B3GALT6: variants seen among roughly 807,000 people sequenced by gnomAD.
B3GALT6 encodes the protein beta-1,3-galactosyltransferase 6, also known as GAG GalTII.
In B3GALT6, 27 loss-of-function variants were observed where a neutral mutation model predicts 23.3. The ratio of observed to expected loss-of-function variants is 1.16; its 90% CI spans 0.85 to 1.60. The LOEUF is 1.60. Among genes scored for constraint, B3GALT6 ranks in the 40% most tolerant of loss-of-function variants. The pLI is 0.00. For missense variants in B3GALT6, 554 were observed against 471.1 expected (o/e 1.18, Z -1.63); for synonymous variants, 313 against 232.3 (o/e 1.35, Z -3.16).
chr1:1,233,564 C>G lies in B3GALT6; in HGVS notation c.*296C>G. ...GGCTGGGCTCCGATCTTCCGTGTCT[C>G]TTATCAGTGGCGTTTCTCACGTCTG... On this transcript the variant is annotated 3_prime_UTR_variant, in exon 1 of 1. Transcript: ENST00000379198. 2.9e-6 allele frequency: 1 copy of G among 346,132 alleles called. No homozygotes were observed. The highest frequency in any genetic ancestry group is 5.5e-6 in the Non-Finnish European group (1 of 182,726). 21.4% of individuals were successfully genotyped at this position (346,132 alleles called of 1,614,324 possible).
In B3GALT6 at chr1:1,233,973, C is replaced by T. The variant is rs1014300286; in HGVS notation, c.*705C>T. ...AGGGCCGGTGCTGCTTTATTTCAGA[C>T]TCTGCCCCAGGTTCCAGGAATCCGA... On this transcript the variant is annotated 3_prime_UTR_variant, in exon 1 of 1. Coordinates refer to ENST00000379198, the MANE Select transcript of B3GALT6 (RefSeq NM_080605.4). The T allele has an allele frequency of 3.4e-4, 56 of 166,852 alleles. No individual in the cohort carries two copies. Among genetic ancestry groups the T allele is most frequent in the Non-Finnish European group, 2.9e-4 (20 of 68,106 alleles). 10.3% of individuals were successfully genotyped at this position (166,852 alleles called of 1,614,324 possible). A position where few individuals can be genotyped will look rare whatever the true frequency, so the allele number is the denominator to read the frequency against.
In B3GALT6 at chr1:1,233,300, C is replaced by T. The variant is rs1478298909; in HGVS notation, c.*32C>T. The T allele has an allele frequency of 2.1e-6, 3 of 1,407,988 alleles. No individual in the cohort carries two copies. The highest frequency in any genetic ancestry group is 3.0e-5 in the African/African-American group (2 of 66,048). 87.2% of individuals were successfully genotyped at this position (1,407,988 alleles called of 1,614,324 possible). ...GCGGCCCGGCCCTCCGGGACACCTG[C>T]TTCACCCGGCGGCGCCTTGGGGCAG... On this transcript the variant is annotated 3_prime_UTR_variant, in exon 1 of 1. Transcript: ENST00000379198.
chr1:1,235,038 C>T lies in B3GALT6; in HGVS notation c.*1770C>T, dbSNP rs916504056. The T allele has an allele frequency of 1.2e-5, 2 of 166,428 alleles. No homozygotes were observed. Among genetic ancestry groups the T allele is most frequent in the Non-Finnish European group, 1.5e-5 (1 of 68,122 alleles). 10.3% of individuals were successfully genotyped at this position (166,428 alleles called of 1,614,324 possible). ...TAAGACATTAAATTTCATATCAGAA[C>T]AAAGCCTGCCCCAGGCTGACCCTCC... On this transcript the variant is annotated 3_prime_UTR_variant, in exon 1 of 1. Transcript: ENST00000379198.
chr1:1,232,411 C>T lies in B3GALT6; in HGVS notation c.133C>T (p.Arg45Cys), dbSNP rs1638535305. The stretch of plus-strand genomic sequence containing the variant: ...CGGGGACCCCAGGGCGATGTCGGGC[C>T]GCAGCCCGCCTCCCCCCGCGCCCGC... ...EPGDPRAMSGRSPPPPAPARA... is the reference protein window; with the variant it reads ...EPGDPRAMSGCSPPPPAPARA... The change falls in exon 1 of 1, where the codon CGC becomes TGC. Residue 45 changes from arginine to cysteine, a missense_variant. Transcript: ENST00000379198. 12 of 989,854 alleles carry T rather than the reference C, an allele frequency of 1.2e-5. No individual in the cohort carries two copies. Among genetic ancestry groups the T allele is most frequent in the South Asian group, 4.5e-5 (1 of 22,188 alleles). The allele number at this position is 989,854 out of a possible 1,614,324, so 61.3% of individuals were successfully genotyped here. A position where few individuals can be genotyped will look rare whatever the true frequency, so the allele number is the denominator to read the frequency against.
In B3GALT6 at chr1:1,232,257, C is replaced by T. The variant is rs1638527131; in HGVS notation, c.-22C>T. 1.8e-5 allele frequency: 18 copies of T among 980,730 alleles called. No homozygotes were observed. The highest frequency in any genetic ancestry group is 1.9e-5 in the Non-Finnish European group (16 of 828,228). The allele number at this position is 980,730 out of a possible 1,614,324, so 60.8% of individuals were successfully genotyped here. ...TGCGCACTCGCGAGTCCGGCCTGGG[C>T]CGCCGGCCCGGCGCGGGCGCCATGA... On this transcript the variant is annotated 5_prime_UTR_variant, in exon 1 of 1. Transcript: ENST00000379198.
chr1:1,233,491 G>T lies in B3GALT6; in HGVS notation c.*223G>T. 1 of 521,994 alleles carries T rather than the reference G, an allele frequency of 1.9e-6. No individual in the cohort carries two copies. Among genetic ancestry groups the T allele is most frequent in the Non-Finnish European group, 3.1e-6 (1 of 318,614 alleles). 32.3% of individuals were successfully genotyped at this position (521,994 alleles called of 1,614,324 possible). ...TCCTGGACCTCAGCGAGCCTGAGCCGGGCCCGGCCGCACGCTGACCCCCGT... is the reference window on the plus strand; with the variant it reads ...TCCTGGACCTCAGCGAGCCTGAGCCTGGCCCGGCCGCACGCTGACCCCCGT... On this transcript the variant is annotated 3_prime_UTR_variant, in exon 1 of 1. Coordinates refer to ENST00000379198, the MANE Select transcript of B3GALT6 (RefSeq NM_080605.4).
Position 1,232,803 on chromosome 1 carries a change from C to T in B3GALT6, c.525C>T (p.Pro175=), listed in dbSNP as rs779808332. 1 of 1,337,278 alleles carries T rather than the reference C, an allele frequency of 7.5e-7. No individual in the cohort carries two copies. The highest frequency in any genetic ancestry group is 9.5e-7 in the Non-Finnish European group (1 of 1,049,468). The allele number at this position is 1,337,278 out of a possible 1,614,324, so 82.8% of individuals were successfully genotyped here. ...ALLAELRARE[P]ARRRRLYWGF... is the part of the protein sequence containing the mutation. ...TGGCCGAGCTGCGCGCCCGCGAGCC[C>T]GCGCGCCGCCGCCGCCTCTACTGGG... The change falls in exon 1 of 1, where the codon CCC becomes CCT. Residue 175 remains proline (P), a synonymous_variant. Coordinates refer to ENST00000379198, the MANE Select transcript of B3GALT6 (RefSeq NM_080605.4).
In B3GALT6 at chr1:1,232,963, C is replaced by G; in HGVS notation, c.685C>G (p.Arg229Gly). 6.4e-7 allele frequency: 1 copy of G among 1,562,554 alleles called. No individual in the cohort carries two copies. The highest frequency in any genetic ancestry group is 8.6e-7 in the Non-Finnish European group (1 of 1,162,124). Reference sequence around the variant, plus strand: ...CTCGGCCGACCTGGTGCACTACCTGCGCCTCAGCCGCGACTACCTGCGCGC... The same window carrying G: ...CTCGGCCGACCTGGTGCACTACCTGGGCCTCAGCCGCGACTACCTGCGCGC... ...VLSADLVHYL[R>G]LSRDYLRAWH... Residue 229 changes from arginine to glycine, a missense_variant, in exon 1 of 1, where the codon CGC becomes GGC. Arg to Gly is a moderately radical substitution (Grantham distance 125, BLOSUM62 -2). Transcript: ENST00000379198.
In B3GALT6 at chr1:1,232,484, C is replaced by T. The variant is rs1638539022; in HGVS notation, c.206C>T (p.Ala69Val). 3.9e-6 allele frequency: 4 copies of T among 1,034,848 alleles called. No individual in the cohort carries two copies. Among genetic ancestry groups the T allele is most frequent in the Non-Finnish European group, 4.6e-6 (4 of 864,502 alleles). 64.1% of individuals were successfully genotyped at this position (1,034,848 alleles called of 1,614,324 possible). A position where few individuals can be genotyped will look rare whatever the true frequency, so the allele number is the denominator to read the frequency against. The change falls in exon 1 of 1, where the codon GCC (alanine) becomes GTC (valine). Residue 69 changes from alanine (A) to valine (V), a missense_variant. Physicochemically the swap from Ala to Val is moderately conservative, Grantham distance 64. Coordinates refer to ENST00000379198, the MANE Select transcript of B3GALT6 (RefSeq NM_080605.4). ...LAVLVASAPR[A>V]AERRSVIRST... ...GTGCTGGTGGCCAGCGCGCCCCGCG[C>T]CGCCGAGCGCCGCAGCGTGATCCGC... is the stretch of plus-strand genomic sequence containing the variant.
rs767598361 is a variant in B3GALT6 at position 1,232,632 on chromosome 1, C to G, written c.354C>G (p.Asp118Glu). 2 of 1,271,522 alleles carry G rather than the reference C, an allele frequency of 1.6e-6. No homozygotes were observed. Among genetic ancestry groups the G allele is most frequent in the African/African-American group, 3.1e-5 (2 of 64,942 alleles). The allele number at this position is 1,271,522 out of a possible 1,614,324, so 78.8% of individuals were successfully genotyped here. The change falls in exon 1 of 1, where the codon GAC (aspartate) becomes GAG (glutamate). Residue 118 changes from aspartate to glutamate, a missense_variant. Asp to Glu is a conservative substitution (Grantham distance 45). Coordinates refer to ENST00000379198, the MANE Select transcript of B3GALT6 (RefSeq NM_080605.4). ...AGCGGGAGCAGGCGCGGCACGGGGA[C>G]CTGCTGCTGCTGCCCGCGCTGCGCG... Reference protein sequence around the residue: ...ALEREQARHGDLLLLPALRDA... With the variant: ...ALEREQARHGELLLLPALRDA...
In B3GALT6 at chr1:1,232,960, C is replaced by T. The variant is rs775975088; in HGVS notation, c.682C>T (p.Leu228=). Residue 228 remains leucine, a synonymous_variant, in exon 1 of 1, where the codon CTG becomes TTG. Coordinates refer to ENST00000379198, the MANE Select transcript of B3GALT6 (RefSeq NM_080605.4). The stretch of plus-strand genomic sequence containing the variant: ...GCTCTCGGCCGACCTGGTGCACTAC[C>T]TGCGCCTCAGCCGCGACTACCTGCG... ...YVLSADLVHY[L]RLSRDYLRAW... 6.4e-6 allele frequency: 10 copies of T among 1,564,518 alleles called. No homozygotes were observed. Among genetic ancestry groups the T allele is most frequent in the African/African-American group, 4.1e-5 (3 of 73,882 alleles).
Position 1,234,206 on chromosome 1 carries a change from T to A in B3GALT6, c.*938T>A, listed in dbSNP as rs973000495. 6.0e-6 allele frequency: 1 copy of A among 166,868 alleles called. No individual in the cohort carries two copies. The highest frequency in any genetic ancestry group is 2.4e-5 in the African/African-American group (1 of 41,454). The allele number at this position is 166,868 out of a possible 1,614,324, so 10.3% of individuals were successfully genotyped here. ...GCTCCCTGGAGTCCGACGCGGGTTT[T>A]CTCTCTGGGGGACCTGGGTGGTCCC... On this transcript the variant is annotated 3_prime_UTR_variant, in exon 1 of 1. Transcript: ENST00000379198.
In B3GALT6 at chr1:1,233,949, G is replaced by A. The variant is rs1285708000; in HGVS notation, c.*681G>A. ...GCTTCCCATGGGTCCGCGCCACACAGGGCCGGTGCTGCTTTATTTCAGACT... is the reference window on the plus strand; with the variant it reads ...GCTTCCCATGGGTCCGCGCCACACAAGGCCGGTGCTGCTTTATTTCAGACT... On this transcript the variant is annotated 3_prime_UTR_variant, in exon 1 of 1. Coordinates refer to ENST00000379198, the MANE Select transcript of B3GALT6 (RefSeq NM_080605.4). 3 of 166,782 alleles carry A rather than the reference G, an allele frequency of 1.8e-5. No homozygotes were observed. Among genetic ancestry groups the A allele is most frequent in the Non-Finnish European group, 4.4e-5 (3 of 68,116 alleles). The allele number at this position is 166,782 out of a possible 1,614,324, so 10.3% of individuals were successfully genotyped here. A position where few individuals can be genotyped will look rare whatever the true frequency, so the allele number is the denominator to read the frequency against.
rs1250087457 is a variant in B3GALT6, at chr1:1,232,251, C to T, written c.-28C>T. 1.0e-6 allele frequency: 1 copy of T among 980,740 alleles called. No individual in the cohort carries two copies. Among genetic ancestry groups the T allele is most frequent in the East Asian group, 1.1e-4 (1 of 8,720 alleles). The allele number at this position is 980,740 out of a possible 1,614,324, so 60.8% of individuals were successfully genotyped here. A position where few individuals can be genotyped will look rare whatever the true frequency, so the allele number is the denominator to read the frequency against. ...GGCGCCTGCGCACTCGCGAGTCCGG[C>T]CTGGGCCGCCGGCCCGGCGCGGGCG... is the stretch of plus-strand genomic sequence containing the variant. On this transcript the variant is annotated 5_prime_UTR_variant, in exon 1 of 1. Coordinates refer to ENST00000379198, the MANE Select transcript of B3GALT6 (RefSeq NM_080605.4).
rs1002911404 is a variant in B3GALT6 at position 1,232,437 on chromosome 1, G to T, written c.159G>T (p.Ala53=). The change falls in exon 1 of 1, where the codon GCG becomes GCT. Residue 53 remains alanine, a synonymous_variant. Transcript: ENST00000379198. ...SGRSPPPPAP[A]RAAAFLAVLV... ...GCAGCCCGCCTCCCCCCGCGCCCGC[G>T]CGCGCCGCCGCCTTCCTGGCAGTGC... is the stretch of plus-strand genomic sequence containing the variant. 1 of 994,782 alleles carries T rather than the reference G, an allele frequency of 1.0e-6. No homozygotes were observed. Among genetic ancestry groups the T allele is most frequent in the East Asian group, 1.1e-4 (1 of 9,208 alleles). The allele number at this position is 994,782 out of a possible 1,614,324, so 61.6% of individuals were successfully genotyped here. A position where few individuals can be genotyped will look rare whatever the true frequency, so the allele number is the denominator to read the frequency against.
chr1:1,232,932 C>G lies in B3GALT6; in HGVS notation c.654C>G (p.Tyr218Ter). The G allele has an allele frequency of 1.3e-6, 2 of 1,564,666 alleles. No homozygotes were observed. The highest frequency in any genetic ancestry group is 1.4e-5 in the African/African-American group (1 of 73,520). ...YYLPYALGGG[Y>*]VLSADLVHYL... ...TGCCCTACGCGCTGGGCGGCGGCTA[C>G]GTGCTCTCGGCCGACCTGGTGCACT... The change falls in exon 1 of 1, where the codon TAC (tyrosine) becomes TAG (stop). Residue 218 changes from tyrosine (Y) to a stop codon, truncating the protein, a stop_gained. Coordinates refer to ENST00000379198, the MANE Select transcript of B3GALT6 (RefSeq NM_080605.4). LOFTEE classifies it high-confidence loss of function.
chr1:1,233,232 C>T lies in B3GALT6; in HGVS notation c.954C>T (p.Pro318=), dbSNP rs762695081. The T allele has an allele frequency of 6.7e-7, 1 of 1,495,360 alleles. No homozygotes were observed. The allele number at this position is 1,495,360 out of a possible 1,614,324, so 92.6% of individuals were successfully genotyped here. ...LSYVYDWSAP[P]SQCCQRREGI... Reference sequence around the variant, plus strand: ...ACGTGTACGACTGGTCCGCGCCGCCCTCGCAGTGCTGCCAGAGAAGGGAGG... The same window carrying T: ...ACGTGTACGACTGGTCCGCGCCGCCTTCGCAGTGCTGCCAGAGAAGGGAGG... The change falls in exon 1 of 1, where the codon CCC becomes CCT. Residue 318 remains proline, a synonymous_variant. Coordinates refer to ENST00000379198, the MANE Select transcript of B3GALT6 (RefSeq NM_080605.4).
In B3GALT6 at chr1:1,234,556, G is replaced by C. The variant is rs1337593995; in HGVS notation, c.*1288G>C. On this transcript the variant is annotated 3_prime_UTR_variant, in exon 1 of 1. Transcript: ENST00000379198. ...CTCCGATGGGCCACCTTGAATCCAG[G>C]ACTGACCGCCCGTGTGTGCACAGTT... 3.6e-5 allele frequency: 6 copies of C among 167,074 alleles called. No individual in the cohort carries two copies. The East Asian group carries it at 1.2e-3, about 32-fold the overall frequency. 10.3% of individuals were successfully genotyped at this position (167,074 alleles called of 1,614,324 possible).
At position 1,232,465 on chromosome 1, in the gene B3GALT6, G is replaced by C. The variant is rs922149062; in HGVS notation, c.187G>C (p.Val63Leu). ...ARAAAFLAVLVASAPRAAERR... is the reference protein window; with the variant it reads ...ARAAAFLAVLLASAPRAAERR... ...CGCCGCCGCCTTCCTGGCAGTGCTGGTGGCCAGCGCGCCCCGCGCCGCCGA... is the reference window on the plus strand; with the variant it reads ...CGCCGCCGCCTTCCTGGCAGTGCTGCTGGCCAGCGCGCCCCGCGCCGCCGA... The change falls in exon 1 of 1, where the codon GTG (valine) becomes CTG (leucine). Residue 63 changes from valine (V) to leucine (L), a missense_variant. Val to Leu is a conservative substitution (Grantham distance 32, BLOSUM62 1). Coordinates refer to ENST00000379198, the MANE Select transcript of B3GALT6 (RefSeq NM_080605.4). The C allele has an allele frequency of 9.9e-7, 1 of 1,007,730 alleles. No individual in the cohort carries two copies. The highest frequency in any genetic ancestry group is 1.2e-6 in the Non-Finnish European group (1 of 847,042). 62.4% of individuals were successfully genotyped at this position (1,007,730 alleles called of 1,614,324 possible).
Sources: allele counts gnomAD v4.1 joint callset, GRCh38; gene constraint gnomAD v4.1.1; transcripts MANE v1.5; gene names NCBI Gene and HGNC (gene_info 2026-07-23, HGNC 2026-07-21).